Variants in LY6S observed in about 807,000 individuals in gnomAD.
The protein encoded by LY6S is lymphocyte antigen 6S.
chr8:143,074,023 G>T, the LY6S span, among the ~76,000 whole-genome samples: 790 of 150,890 alleles, frequency 5.2e-3, 6 homozygotes, highest in Non-Finnish European at 8.1e-3. Flanking sequence ...GGGTTCTCTA[G>T]TGCTAAGGTG....
the LY6S span, among the ~76,000 whole-genome samples, chr8:143,072,618 G>A: frequency 3.7e-5 from 5 of 136,418 alleles, no homozygotes; most frequent in East Asian, 1.2e-3. Context: ...CGTCGTCCTC[G>A]GGGTTCCTGT....
the LY6S span, among the ~76,000 whole-genome samples, chr8:143,073,258 G>A: frequency 7.3e-5 from 8 of 109,236 alleles, no homozygotes; most frequent in East Asian, 3.8e-4. Flanking sequence ...GACAGCTGTC[G>A]TCCTCGGGGT....
chr8:143,058,805 C>A, the LY6S span, among the ~76,000 whole-genome samples: 1 of 122,000 alleles, frequency 8.2e-6, no homozygotes, highest in Non-Finnish European at 1.8e-5. Flanking sequence ...TCTTCCCAGA[C>A]GCTGGCATTA....
At chr8:143,064,852 T>C in the LY6S span, among the ~76,000 whole-genome samples, 3 of 152,242 alleles carry the variant, frequency 2.0e-5, no homozygotes, top group Non-Finnish European at 4.4e-5. Context: ...ATTTTCATCA[T>C]GAAGGTGCTG....
At chr8:143,065,495 C>A in the LY6S span, among the ~76,000 whole-genome samples, 1 of 152,140 alleles carries the variant, frequency 6.6e-6, no homozygotes, top group African/African-American at 2.4e-5. Context: ...TTCGAAGATC[C>A]AAAAACTGGC....
chr8:143,063,456 G>A, the LY6S span, among the ~76,000 whole-genome samples: 29 of 152,322 alleles, frequency 1.9e-4, no homozygotes, highest in African/African-American at 6.3e-4. Flanking sequence ...GCTCTCGTAA[G>A]GGCAATCAGT....
At chr8:143,050,822 C>T in the LY6S span, among the ~76,000 whole-genome samples, 2 of 152,116 alleles carry the variant, frequency 1.3e-5, no homozygotes, top group Non-Finnish European at 2.9e-5. Flanking sequence ...AGGGGCAGGA[C>T]ATGCTGTGGT....
At chr8:143,042,079 G>A in the LY6S span, among the ~76,000 whole-genome samples, 2 of 81,972 alleles carry the variant, frequency 2.4e-5, no homozygotes, top group African/African-American at 5.4e-5. Flanking sequence ...GTCCACCCAG[G>A]GCGTTCTCAG....
chr8:143,069,589 A>G, the LY6S span, among the ~76,000 whole-genome samples: 1 of 152,174 alleles, frequency 6.6e-6, no homozygotes, highest in East Asian at 1.9e-4. Flanking sequence ...GTGAACTGGG[A>G]CCCAAGACAG....
chr8:143,043,391 G>A, the LY6S span: 1 of 504,620 alleles, frequency 2.0e-6, no homozygotes, highest in Non-Finnish European at 3.2e-6. Flanking sequence ...GGGCCTCAGG[G>A]GCTTTCTGCA....
At chr8:143,051,645 C>T in the LY6S span, among the ~76,000 whole-genome samples, 1 of 152,132 alleles carries the variant, frequency 6.6e-6, no homozygotes, top group Admixed American at 6.6e-5. Flanking sequence ...CTCTTGCTTC[C>T]TCAGCCAGAC....
At chr8:143,076,396 G>A in the LY6S span, among the ~76,000 whole-genome samples, 27 of 152,256 alleles carry the variant, frequency 1.8e-4, no homozygotes, top group Non-Finnish European at 3.2e-4. Flanking sequence ...CGCTGGGGAC[G>A]CCCAGACACC....
chr8:143,047,990 T>C, the LY6S span: 1 of 152,286 alleles, frequency 6.6e-6, no homozygotes, highest in Non-Finnish European at 1.5e-5. Context: ...CTGCATCTCC[T>C]TGGCTGTGTG....
At chr8:143,048,540 C>T in the LY6S span, among the ~76,000 whole-genome samples, 1 of 150,086 alleles carries the variant, frequency 6.7e-6, no homozygotes, top group Non-Finnish European at 1.5e-5. Flanking sequence ...ACCACCTCAG[C>T]TCACTGCAAC....
the LY6S span, among the ~76,000 whole-genome samples, chr8:143,063,567 C>T: frequency 2.6e-5 from 4 of 152,196 alleles, 1 homozygote; most frequent in Non-Finnish European, 5.9e-5. Flanking sequence ...CTGTTGGTTA[C>T]CAGGTTGCTC....
chr8:143,060,363 T>TCAC, the LY6S span, among the ~76,000 whole-genome samples: 1 of 152,252 alleles, frequency 6.6e-6, no homozygotes, highest in Non-Finnish European at 1.5e-5. Context: ...GCTTCAGTGG[T>TCAC]CACGCTCCTG....
the LY6S span, among the ~76,000 whole-genome samples, chr8:143,059,189 C>T: frequency 3.7e-4 from 57 of 152,154 alleles, no homozygotes; most frequent in African/African-American, 1.1e-3. Context: ...CCACCGTATG[C>T]GGCCACATCT....
the LY6S span, among the ~76,000 whole-genome samples, chr8:143,043,589 C>A: frequency 6.6e-6 from 1 of 152,200 alleles, no homozygotes; most frequent in South Asian, 2.1e-4. Context: ...GGCCTTGGGA[C>A]CCCCGAAGCG....
chr8:143,063,483 A>C, the LY6S span, among the ~76,000 whole-genome samples: 1 of 152,192 alleles, frequency 6.6e-6, no homozygotes, highest in Non-Finnish European at 1.5e-5. Context: ...TCCTGTGCAG[A>C]GGTTCCTATT....
Sources: gnomAD v4.1 joint callset for allele counts (sites outside exome capture counted in the v4.1 genomes callset) on GRCh38, gnomAD v4.1.1 for gene constraint, MANE v1.5 for transcripts, NCBI Gene and HGNC (gene_info 2026-07-23, HGNC 2026-07-21) for gene names.